The following DMRT1 variants were observed in gnomAD, a reference collection of about 807,000 sequenced individuals.
DMRT1 encodes the protein doublesex and mab-3 related transcription factor 1, also known as doublesex- and mab-3-related transcription factor 1.
A neutral mutation model predicts 32.3 loss-of-function variants in DMRT1; 7 were observed. That is an observed-to-expected ratio of 0.22 (90% CI 0.12 to 0.41). The LOEUF (loss-of-function observed/expected upper bound fraction) is 0.41, where lower values mean the gene tolerates loss of function less well. Ranked by LOEUF, DMRT1 falls within the 10% of genes least tolerant of loss-of-function variation. The pLI, the probability that DMRT1 is intolerant of heterozygous loss-of-function variation, is 1.00. For missense variants in DMRT1, 625 were observed against 500.5 expected (o/e 1.25, Z -2.37); for synonymous variants, 278 against 206.1 (o/e 1.35, Z -2.99).
chr9:907,233 T>C (rs948725413), intron 3 of DMRT1, among the ~76,000 whole-genome samples: 1 of 152,204 alleles, frequency 6.6e-6, no homozygotes, highest in Non-Finnish European at 1.5e-5. Flanking sequence ...TTTAATTTCC[T>C]TTCTCTCCAG....
chr9:879,445 C>T (rs1271071554), intron 2 of DMRT1, among the ~76,000 whole-genome samples: 1 of 151,808 alleles, frequency 6.6e-6, no homozygotes, highest in East Asian at 1.9e-4. Flanking sequence ...TTACGTTTGG[C>T]TTAATAGGAT....
intron 2 of DMRT1, among the ~76,000 whole-genome samples, chr9:878,796 TC>T (rs1218928712): frequency 6.6e-6 from 1 of 152,216 alleles, no homozygotes; most frequent in Non-Finnish European, 1.5e-5. Flanking sequence ...GCAGAGCCTT[TC>T]TAAGTACATG....
chr9:905,486 GTC>G (rs1306781951), intron 3 of DMRT1, among the ~76,000 whole-genome samples: 46 of 147,000 alleles, frequency 3.1e-4, no homozygotes, highest in African/African-American at 1.0e-3. Context: ...GTGTGTGTGT[GTC>G]TGTGTGTGTG....
At chr9:849,592 G>C (rs1307026839) in intron 2 of DMRT1, among the ~76,000 whole-genome samples, 1 of 152,206 alleles carries the variant, frequency 6.6e-6, no homozygotes, top group Non-Finnish European at 1.5e-5. Flanking sequence ...AGTTACAAAA[G>C]GAAGCAGTAG....
At chr9:945,967 A>G (rs962364980) in intron 4 of DMRT1, among the ~76,000 whole-genome samples, 6 of 151,952 alleles carry the variant, frequency 3.9e-5, no homozygotes, top group Non-Finnish European at 7.4e-5. Context: ...GTTCCTCAGC[A>G]CTTTCCTTTT....
chr9:862,764 CT>C (rs1219223552), intron 2 of DMRT1, among the ~76,000 whole-genome samples: 10 of 151,718 alleles, frequency 6.6e-5, no homozygotes, highest in African/African-American at 2.4e-4. Flanking sequence ...GTATTCCCTT[CT>C]GAGAGTGGCT....
At chr9:946,403 G>A (rs1399861140) in intron 4 of DMRT1, among the ~76,000 whole-genome samples, 1 of 152,132 alleles carries the variant, frequency 6.6e-6, no homozygotes, top group African/African-American at 2.4e-5. Flanking sequence ...AGCCAGCATG[G>A]TAAGGGAGGT....
At chr9:957,935 G>A (rs1052942767) in intron 4 of DMRT1, among the ~76,000 whole-genome samples, 13 of 152,164 alleles carry the variant, frequency 8.5e-5, no homozygotes, top group African/African-American at 3.1e-4. Flanking sequence ...ACCTGAACCC[G>A]CAGGCGGAGG....
chr9:908,463 GT>G (rs5895876), intron 3 of DMRT1, among the ~76,000 whole-genome samples: 20,601 of 151,758 alleles, frequency 0.14, 1,883 homozygotes, highest in African/African-American at 0.26. Context: ...CTCTAAAAAT[GT>G]TTTTTTAAAA....
rs372952873 is a variant in DMRT1 at position 844,718 on chromosome 9, TC to T, written c.355-2241del. Among the ~76,000 whole-genome samples, 205 of 137,422 alleles carry T rather than the reference TC, an allele frequency of 1.5e-3. 1 individual carries two copies. Among genetic ancestry groups the T allele is most frequent in the Middle Eastern group, 3.8e-3 (1 of 266 alleles). The allele number at this position is 137,422 out of a possible 152,430, so 90.2% of individuals were successfully genotyped here. ...TTGTAGTTGTTTTTCTTTCTTTCTT[TC>T]TTTTTTTTTTTTTTTTTTGAGACAG... On this transcript the variant is annotated intron_variant, in intron 1 of 4. Coordinates refer to ENST00000382276, the MANE Select transcript of DMRT1 (RefSeq NM_021951.3).
chr9:917,007 G>A, intron 4 of DMRT1, 100 bp downstream of exon 4: 2 of 1,366,204 alleles, frequency 1.5e-6, no homozygotes, highest in Non-Finnish European at 2.1e-6. Flanking sequence ...GTTAGTAATT[G>A]TTGGAAATTT....
chr9:877,327 G>A (rs1035024315), intron 2 of DMRT1, among the ~76,000 whole-genome samples: 1 of 152,176 alleles, frequency 6.6e-6, no homozygotes, highest in African/African-American at 2.4e-5. Context: ...TTAGAGGTAT[G>A]TCTCACCCCC....
At chr9:859,925 C>T (rs908382423) in intron 2 of DMRT1, among the ~76,000 whole-genome samples, 2 of 152,206 alleles carry the variant, frequency 1.3e-5, no homozygotes, top group African/African-American at 4.8e-5. Flanking sequence ...TAACAGATGA[C>T]TTTCAATGTT....
At chr9:856,428 A>G (rs1815404547) in intron 2 of DMRT1, among the ~76,000 whole-genome samples, 1 of 152,100 alleles carries the variant, frequency 6.6e-6, no homozygotes, top group African/African-American at 2.4e-5. Flanking sequence ...AGACACTAAT[A>G]GATTTTCTGT....
chr9:967,078 C>T (rs1819952892), intron 4 of DMRT1, among the ~76,000 whole-genome samples: 1 of 152,198 alleles, frequency 6.6e-6, no homozygotes, highest in Admixed American at 6.5e-5. Context: ...CGGCAGAATC[C>T]TGAGGCTGAA....
intron 1 of DMRT1, among the ~76,000 whole-genome samples, chr9:846,269 G>T (rs1271909567): frequency 6.6e-6 from 1 of 152,104 alleles, no homozygotes; most frequent in Non-Finnish European, 1.5e-5. Flanking sequence ...CTGACCTCCG[G>T]TGATCGGCCC....
chr9:843,002 C>G (rs535005469), intron 1 of DMRT1: 1 of 152,214 alleles, frequency 6.6e-6, no homozygotes, highest in Non-Finnish European at 1.5e-5. Context: ...CCAGGGATCT[C>G]TAGCCCCGCT....
intron 3 of DMRT1, among the ~76,000 whole-genome samples, chr9:914,572 T>TCA (rs1818109007): frequency 1.6e-4 from 2 of 12,826 alleles, no homozygotes; most frequent in Admixed American, 2.6e-3. Flanking sequence ...GGACTCTGTC[T>TCA]CAAAAAAAAA....
At chr9:902,248 G>A (rs1242380919) in intron 3 of DMRT1, among the ~76,000 whole-genome samples, 1 of 147,446 alleles carries the variant, frequency 6.8e-6, no homozygotes, top group African/African-American at 2.5e-5. Flanking sequence ...TGTATTAGAT[G>A]GTGGGATGTT....
Sources: gnomAD v4.1 joint callset for allele counts (sites outside exome capture counted in the v4.1 genomes callset) on GRCh38, gnomAD v4.1.1 for gene constraint, MANE v1.5 for transcripts, NCBI Gene and HGNC (gene_info 2026-07-23, HGNC 2026-07-21) for gene names.